The following RBMS3 variants were observed in gnomAD, a reference collection of about 807,000 sequenced individuals.
RBMS3 encodes RNA-binding motif, single-stranded-interacting protein 3.
A neutral mutation model predicts 66.8 loss-of-function variants in RBMS3; 27 were observed. The ratio of observed to expected loss-of-function variants is 0.40; its 90% CI spans 0.30 to 0.56. The LOEUF is 0.56. Among genes scored for constraint, RBMS3 ranks in the 20% least tolerant of loss-of-function variants. RBMS3 has a pLI of 0.40. For missense variants in RBMS3, 513 were observed against 549.5 expected (o/e 0.93, Z 0.66); for synonymous variants, 188 against 183.0 (o/e 1.03, Z -0.22).
chr3:29,791,171 T>A (rs1182846164), intron 6 of RBMS3, among the ~76,000 whole-genome samples: 3 of 152,216 alleles, frequency 2.0e-5, no homozygotes, highest in African/African-American at 7.2e-5. Context: ...ATAAGTGGGG[T>A]GAACAGGTGA....
At chr3:29,924,486 A>G (rs1376271958) in intron 10 of RBMS3, among the ~76,000 whole-genome samples, 2 of 152,142 alleles carry the variant, frequency 1.3e-5, no homozygotes, top group Non-Finnish European at 2.9e-5. Context: ...TTCTACATCC[A>G]TGAATGGCAG....
intron 1 of RBMS3, among the ~76,000 whole-genome samples, chr3:29,413,401 C>T (rs969923136): frequency 6.6e-6 from 1 of 150,744 alleles, no homozygotes; most frequent in African/African-American, 2.4e-5. Flanking sequence ...TACATACATA[C>T]ATACATACAT....
intron 1 of RBMS3, among the ~76,000 whole-genome samples, chr3:29,284,893 A>C (rs1187080497): frequency 7.1e-6 from 1 of 141,514 alleles, no homozygotes; most frequent in Non-Finnish European, 1.5e-5. Flanking sequence ...TACCAAAAGA[A>C]GCAATTTCAA....
intron 3 of RBMS3, among the ~76,000 whole-genome samples, chr3:29,533,310 C>G (rs534569199): frequency 3.8e-4 from 57 of 151,262 alleles, no homozygotes; most frequent in African/African-American, 1.1e-3. Flanking sequence ...AAGAACTCAT[C>G]TCTGTGAAAA....
intron 6 of RBMS3, among the ~76,000 whole-genome samples, chr3:29,829,897 G>A (rs1187085837): frequency 1.3e-5 from 2 of 152,018 alleles, no homozygotes; most frequent in Non-Finnish European, 2.9e-5. Flanking sequence ...TAGATCTGTA[G>A]CATATTTGGC....
At chr3:29,745,787 G>A (rs1351250831) in intron 5 of RBMS3, among the ~76,000 whole-genome samples, 1 of 151,954 alleles carries the variant, frequency 6.6e-6, no homozygotes, top group Non-Finnish European at 1.5e-5. Context: ...TTCTCATGGA[G>A]CTTTGTTTGA....
intron 6 of RBMS3, among the ~76,000 whole-genome samples, chr3:29,774,929 T>C (rs2056369322): frequency 6.6e-6 from 1 of 151,916 alleles, no homozygotes; most frequent in Non-Finnish European, 1.5e-5. Context: ...AATTTTTTTA[T>C]TTTATGTTTT....
chr3:29,829,067 CAG>C (rs1365198972), intron 6 of RBMS3, among the ~76,000 whole-genome samples: 4 of 148,116 alleles, frequency 2.7e-5, no homozygotes, highest in Non-Finnish European at 6.0e-5. Context: ...TTTTTTGAGA[CAG>C]AGTCTCACTC....
At chr3:29,617,898 G>T (rs1443577548) in intron 4 of RBMS3, among the ~76,000 whole-genome samples, 1 of 152,068 alleles carries the variant, frequency 6.6e-6, no homozygotes, top group East Asian at 1.9e-4. Flanking sequence ...TGCGCTTATC[G>T]GACTTATATC....
intron 3 of RBMS3, among the ~76,000 whole-genome samples, chr3:29,560,816 G>T (rs937747069): frequency 6.6e-6 from 1 of 152,144 alleles, no homozygotes; most frequent in African/African-American, 2.4e-5. Flanking sequence ...GGGGTGTGTT[G>T]TACAAATTAT....
chr3:29,628,153 A>T (rs1449348173), intron 4 of RBMS3, among the ~76,000 whole-genome samples: 1 of 152,142 alleles, frequency 6.6e-6, no homozygotes, highest in Non-Finnish European at 1.5e-5. Flanking sequence ...TATGAGAGGG[A>T]ACTCTTGCAC....
chr3:29,576,385 G>A (rs567443413), intron 3 of RBMS3, among the ~76,000 whole-genome samples: 1 of 152,140 alleles, frequency 6.6e-6, no homozygotes, highest in African/African-American at 2.4e-5. Context: ...GATTGACCCA[G>A]TGTGGTTCCT....
chr3:29,513,856 A>C (rs2044509630), intron 3 of RBMS3, among the ~76,000 whole-genome samples: 1 of 152,156 alleles, frequency 6.6e-6, no homozygotes. Context: ...CTTCTTGCCT[A>C]GCTTTTCCAT....
chr3:29,729,839 T>C (rs376013643), intron 4 of RBMS3, among the ~76,000 whole-genome samples: 160 of 151,898 alleles, frequency 1.1e-3, no homozygotes, highest in African/African-American at 3.8e-3. Flanking sequence ...AAAAGAACAA[T>C]TGAATTATAG....
chr3:29,828,353 AG>A (rs2058264394), intron 6 of RBMS3, among the ~76,000 whole-genome samples: 1 of 152,148 alleles, frequency 6.6e-6, no homozygotes. Context: ...TTTAACATAA[AG>A]GGGCCACTGG....
At chr3:29,725,312 A>T (rs919623858) in intron 4 of RBMS3, among the ~76,000 whole-genome samples, 1 of 152,154 alleles carries the variant, frequency 6.6e-6, no homozygotes, top group Non-Finnish European at 1.5e-5. Flanking sequence ...CGAGTTTTTT[A>T]AAAATTGCAA....
intron 1 of RBMS3, among the ~76,000 whole-genome samples, chr3:29,354,456 T>C (rs1047181745): frequency 3.3e-5 from 5 of 152,150 alleles, no homozygotes; most frequent in African/African-American, 1.2e-4. Flanking sequence ...TGGTAAATTC[T>C]GTGGTACCCA....
At chr3:29,387,702 A>C (rs2039071074) in intron 1 of RBMS3, among the ~76,000 whole-genome samples, 1 of 152,172 alleles carries the variant, frequency 6.6e-6, no homozygotes, top group African/African-American at 2.4e-5. Context: ...GGAGATCCAG[A>C]CCATCCTGGG....
At chr3:29,995,040 A>T (rs1160207800) in intron 14 of RBMS3, among the ~76,000 whole-genome samples, 1 of 152,222 alleles carries the variant, frequency 6.6e-6, no homozygotes, top group African/African-American at 2.4e-5. Flanking sequence ...ATTTAGAAGA[A>T]TGTATAACTA....
Sources: allele counts gnomAD v4.1 joint callset (sites outside exome capture counted in the v4.1 genomes callset), GRCh38; gene constraint gnomAD v4.1.1; transcripts MANE v1.5; gene names NCBI Gene and HGNC (gene_info 2026-07-23, HGNC 2026-07-21).